TACC2: variants seen among roughly 807,000 people sequenced by gnomAD.
TACC2 encodes the protein transforming acidic coiled-coil containing protein 2, also known as transforming acidic coiled-coil-containing protein 2.
In TACC2, 137 loss-of-function variants were observed where a neutral mutation model predicts 227.3. The observed-to-expected ratio is 0.60, with a 90% CI of 0.52 to 0.69. The LOEUF (loss-of-function observed/expected upper bound fraction) is 0.69, where lower values mean the gene tolerates loss of function less well. Ranked by LOEUF, TACC2 falls within the 30% of genes least tolerant of loss-of-function variation. TACC2 has a pLI of 0.00. For missense variants in TACC2, 3,470 were observed against 3,694.4 expected, an observed-to-expected ratio of 0.94 and a Z score of 1.57; for synonymous variants, 1,523 against 1,487.5, an observed-to-expected ratio of 1.02 and a Z score of -0.55.
intron 5 of TACC2, among the ~76,000 whole-genome samples, chr10:122,093,496 T>C (rs1206405682): frequency 6.6e-6 from 1 of 152,218 alleles, no homozygotes; most frequent in Non-Finnish European, 1.5e-5. Flanking sequence ...CATTGAAGCA[T>C]GGTTCTCTTA....
At chr10:122,098,394 A>G (rs1030960386) in intron 5 of TACC2, among the ~76,000 whole-genome samples, 1 of 152,184 alleles carries the variant, frequency 6.6e-6, no homozygotes, top group African/African-American at 2.4e-5. Context: ...CGTGTTTGCT[A>G]CATAATTCAA....
chr10:122,195,250 T>C (rs992451227), intron 8 of TACC2, 74 bp downstream of exon 8: 2 of 1,392,480 alleles, frequency 1.4e-6, no homozygotes, highest in African/African-American at 2.9e-5. Context: ...CAGCAGTTCC[T>C]CCTGGGTCAG....
intron 11 of TACC2, among the ~76,000 whole-genome samples, chr10:122,220,438 A>G (rs1174900860): frequency 2.0e-5 from 3 of 152,358 alleles, no homozygotes; most frequent in Admixed American, 2.0e-4. Flanking sequence ...TGAAGACACA[A>G]CAGTTGCAGT....
intron 7 of TACC2, among the ~76,000 whole-genome samples, chr10:122,169,014 T>TA (rs2093339898): frequency 6.6e-6 from 1 of 152,220 alleles, no homozygotes; most frequent in African/African-American, 2.4e-5. Context: ...TGATGCTTTG[T>TA]TTCAGGTTGG....
At chr10:122,109,083 T>C (rs2083286476) in intron 5 of TACC2, among the ~76,000 whole-genome samples, 1 of 152,216 alleles carries the variant, frequency 6.6e-6, no homozygotes, top group African/African-American at 2.4e-5. Flanking sequence ...GCTGGTTTCA[T>C]ATTTTTTCAG....
chr10:122,067,254 A>G (rs897191092), intron 3 of TACC2, among the ~76,000 whole-genome samples: 6 of 152,002 alleles, frequency 3.9e-5, no homozygotes, highest in African/African-American at 1.5e-4. Flanking sequence ...TAGCTTTTGT[A>G]TGTCTGGAAA....
At position 122,194,979 on chromosome 10, in the gene TACC2, C is replaced by T. The variant is rs1593180103; in HGVS notation, c.5835-61C>T. On this transcript the variant is annotated intron_variant, in intron 7 of 22. Coordinates refer to ENST00000369005, the MANE Select transcript of TACC2 (RefSeq NM_206862.4). This position sits in a 1 kb window ranked among gnomAD's most constrained non-coding sequence, Gnocchi z 4.4. ...ACTGGCTCTGGGTGCGAAGGCCACA[C>T]CGGCTCAGCAGAACTGGCTCTGGGC... is the stretch of plus-strand genomic sequence containing the variant. The T allele has an allele frequency of 6.5e-7, 1 of 1,542,818 alleles. No individual in the cohort carries two copies. The highest frequency in any genetic ancestry group is 2.3e-5 in the East Asian group (1 of 44,110).
At chr10:122,214,347 A>T (rs965151003) in intron 9 of TACC2, among the ~76,000 whole-genome samples, 2 of 151,650 alleles carry the variant, frequency 1.3e-5, no homozygotes, top group African/African-American at 2.4e-5. Context: ...ATAGCCATTT[A>T]TTTTTTTTTC....
At chr10:122,005,492 C>G (rs1237150565) in intron 1 of TACC2, among the ~76,000 whole-genome samples, 1 of 151,080 alleles carries the variant, frequency 6.6e-6, no homozygotes, top group African/African-American at 2.4e-5. Context: ...TCACGCCATT[C>G]TCCCACCTCA....
At chr10:122,030,632 G>A (rs760742671) in intron 2 of TACC2, among the ~76,000 whole-genome samples, 73 of 151,996 alleles carry the variant, frequency 4.8e-4, no homozygotes, top group Admixed American at 8.5e-4. Context: ...CCTTGAGTGA[G>A]CAGATGTTTT....
intron 7 of TACC2, among the ~76,000 whole-genome samples, chr10:122,187,632 A>G (rs2094252617): frequency 6.6e-6 from 1 of 152,066 alleles, no homozygotes; most frequent in African/African-American, 2.4e-5. Flanking sequence ...CTGGAATTAC[A>G]GGCGCCTGCC....
intron 2 of TACC2, among the ~76,000 whole-genome samples, chr10:122,045,768 T>C (rs1487632700): frequency 3.3e-5 from 5 of 152,254 alleles, no homozygotes; most frequent in Non-Finnish European, 7.3e-5. Flanking sequence ...GTCAAAGAGC[T>C]TTGAAAAGTG....
intron 7 of TACC2, among the ~76,000 whole-genome samples, chr10:122,175,085 C>G (rs2140146396): frequency 6.6e-6 from 1 of 152,294 alleles, no homozygotes; most frequent in South Asian, 2.1e-4. Flanking sequence ...ATCCTCCCAT[C>G]TCAGCCTCCC....
chr10:122,197,513 A>T (rs769483363), intron 8 of TACC2, among the ~76,000 whole-genome samples: 2 of 152,210 alleles, frequency 1.3e-5, no homozygotes, highest in Non-Finnish European at 2.9e-5. Flanking sequence ...TCTTAAAACG[A>T]ACACGCACAA....
intron 2 of TACC2, among the ~76,000 whole-genome samples, chr10:122,024,927 C>T (rs537550522): frequency 6.6e-6 from 1 of 152,308 alleles, no homozygotes; most frequent in Admixed American, 6.5e-5. Context: ...AAGATAAACG[C>T]CCAAGTGTGC....
chr10:122,030,341 G>A (rs1958791093), intron 2 of TACC2, among the ~76,000 whole-genome samples: 2 of 152,166 alleles, frequency 1.3e-5, no homozygotes, highest in African/African-American at 4.8e-5. Flanking sequence ...AAATGGAATT[G>A]CAGTGTCAAA....
At chr10:122,038,777 G>T (rs1166754345) in intron 2 of TACC2, among the ~76,000 whole-genome samples, 1 of 152,104 alleles carries the variant, frequency 6.6e-6, no homozygotes, top group Non-Finnish European at 1.5e-5. Flanking sequence ...TAAGTAGGAA[G>T]TGAGGAACAT....
At chr10:122,103,458 C>A (rs982350522) in intron 5 of TACC2, among the ~76,000 whole-genome samples, 1 of 152,162 alleles carries the variant, frequency 6.6e-6, no homozygotes, top group Admixed American at 6.5e-5. Flanking sequence ...TAGCAGAGGG[C>A]CATCTTTGTG....
At chr10:122,041,441 C>CTTTTTTTTTTT (rs537169387) in intron 2 of TACC2, among the ~76,000 whole-genome samples, 1 of 140,190 alleles carries the variant, frequency 7.1e-6, no homozygotes, top group African/African-American at 2.6e-5. Flanking sequence ...AGTTTCCTTT[C>CTTTTTTTTTTT]TTTTTTTTTT....
Sources: gnomAD v4.1 joint callset for allele counts (sites outside exome capture counted in the v4.1 genomes callset) on GRCh38, gnomAD v4.1.1 for gene constraint, Gnocchi (gnomAD v3.1) non-coding constraint, MANE v1.5 for transcripts, NCBI Gene and HGNC (gene_info 2026-07-23, HGNC 2026-07-21) for gene names.